The following ZC3H12B variants were observed in gnomAD, a reference collection of about 807,000 sequenced individuals.
The protein encoded by ZC3H12B is zinc finger CCCH-type containing 12B.
In ZC3H12B, 7 loss-of-function variants were observed where a neutral mutation model predicts 43.9. That is an observed-to-expected ratio of 0.16 (90% CI 0.09 to 0.30). The LOEUF (loss-of-function observed/expected upper bound fraction) is 0.30, where lower values mean the gene tolerates loss of function less well. Among genes scored for constraint, ZC3H12B ranks in the 10% least tolerant of loss-of-function variants. The pLI is 1.00. For synonymous variants in ZC3H12B, 222 were observed against 241.7 expected (o/e 0.92, Z 0.76); for missense variants, 475 against 670.2 (o/e 0.71, Z 3.22).
the ZC3H12B span, among the ~76,000 whole-genome samples, chrX:65,233,323 C>G: frequency 9.0e-6 from 1 of 111,314 alleles, no homozygotes; most frequent in East Asian, 2.8e-4. Context: ...ATGAAACATT[C>G]TCAAGGATAG....
At chrX:65,118,257 C>G in the ZC3H12B span, among the ~76,000 whole-genome samples, 4 of 111,479 alleles carry the variant, frequency 3.6e-5, no homozygotes, top group Non-Finnish European at 7.5e-5. Flanking sequence ...GTTTGTAGTT[C>G]TCCTTGAAGA....
chrX:65,058,185 G>A, the ZC3H12B span, among the ~76,000 whole-genome samples: 7 of 111,386 alleles, frequency 6.3e-5, no homozygotes, highest in South Asian at 7.6e-4. Flanking sequence ...CACCTTTTCT[G>A]CTCTGTTTTT....
the ZC3H12B span, among the ~76,000 whole-genome samples, chrX:65,212,362 T>C: frequency 2.6e-5 from 1 of 38,308 alleles, no homozygotes; most frequent in Non-Finnish European, 4.2e-5. Flanking sequence ...ATTATTATAT[T>C]TATATTACAT....
chrX:65,083,484 A>T, the ZC3H12B span, among the ~76,000 whole-genome samples: 1 of 112,150 alleles, frequency 8.9e-6, no homozygotes, highest in Non-Finnish European at 1.9e-5. Context: ...CTGAAAAAGA[A>T]ATTGAAAGAG....
intron 2 of ZC3H12B, among the ~76,000 whole-genome samples, chrX:65,396,879 G>C (rs1285416663): frequency 9.0e-6 from 1 of 111,280 alleles, no homozygotes; most frequent in Non-Finnish European, 1.9e-5. Flanking sequence ...TATGAATCTA[G>C]GTGCTTCTGT....
upstream of ZC3H12B, among the ~76,000 whole-genome samples, chrX:65,362,732 A>T (rs755309507): frequency 9.0e-6 from 1 of 111,320 alleles, no homozygotes; most frequent in East Asian, 2.8e-4. Context: ...AAAGCCTGTT[A>T]TCACTCGCCT....
At chrX:65,388,951 G>T (rs750038811) in intron 2 of ZC3H12B, among the ~76,000 whole-genome samples, 1 of 111,666 alleles carries the variant, frequency 9.0e-6, no homozygotes, top group South Asian at 3.8e-4. Flanking sequence ...GCAGAACAGC[G>T]GATATTGGTG....
chrX:65,326,359 A>C, the ZC3H12B span, among the ~76,000 whole-genome samples: 1 of 111,287 alleles, frequency 9.0e-6, no homozygotes, highest in Non-Finnish European at 1.9e-5. Context: ...GGCCAAAAAC[A>C]TGGATGAGAC....
At chrX:65,263,016 G>T in the ZC3H12B span, among the ~76,000 whole-genome samples, 4 of 110,602 alleles carry the variant, frequency 3.6e-5, no homozygotes, top group Non-Finnish European at 5.7e-5. Flanking sequence ...CTGAGTTCAC[G>T]TCCTAGAGCT....
chrX:65,269,563 G>A, the ZC3H12B span, among the ~76,000 whole-genome samples: 3 of 110,651 alleles, frequency 2.7e-5, no homozygotes, highest in African/African-American at 6.6e-5. Context: ...GCAGTGATGT[G>A]ATTATGACTT....
the ZC3H12B span, among the ~76,000 whole-genome samples, chrX:65,265,856 G>A: frequency 9.0e-6 from 1 of 111,572 alleles, no homozygotes; most frequent in Non-Finnish European, 1.9e-5. Flanking sequence ...TCAGATATTG[G>A]ACAACCAGCA....
At chrX:65,227,578 A>C in the ZC3H12B span, among the ~76,000 whole-genome samples, 4 of 111,902 alleles carry the variant, frequency 3.6e-5, no homozygotes, top group African/African-American at 1.3e-4. Context: ...CCTTCAAAAA[A>C]TTAATGAATC....
At chrX:65,170,684 G>A in the ZC3H12B span, among the ~76,000 whole-genome samples, 1 of 111,505 alleles carries the variant, frequency 9.0e-6, no homozygotes, top group African/African-American at 3.3e-5. Flanking sequence ...TGAGACGTAG[G>A]TTTGGTCTTT....
intron 2 of ZC3H12B, among the ~76,000 whole-genome samples, chrX:65,372,603 T>A (rs1205335021): frequency 4.8e-4 from 28 of 57,844 alleles, no homozygotes; most frequent in Admixed American, 1.6e-3. Context: ...GGAAGAAGAG[T>A]GGACAGGAGA....
At chrX:65,461,020 A>G (rs1234675675) in intron 3 of ZC3H12B, among the ~76,000 whole-genome samples, 1 of 112,276 alleles carries the variant, frequency 8.9e-6, no homozygotes, top group Non-Finnish European at 1.9e-5. Context: ...CAAGAAAAAA[A>G]CAACCCCATC....
At chrX:65,342,193 G>T in the ZC3H12B span, among the ~76,000 whole-genome samples, 4 of 111,714 alleles carry the variant, frequency 3.6e-5, no homozygotes, top group Non-Finnish European at 5.6e-5. Context: ...ATGGTAAAGG[G>T]TTCAGTTCAA....
At chrX:65,490,771 T>C (rs1409396760) in intron 1 of ZC3H12B, among the ~76,000 whole-genome samples, 3 of 111,731 alleles carry the variant, frequency 2.7e-5, no homozygotes, top group African/African-American at 9.8e-5. Flanking sequence ...CTATCATTGC[T>C]TGATGGACTC....
At chrX:65,314,914 G>T in the ZC3H12B span, among the ~76,000 whole-genome samples, 1 of 110,891 alleles carries the variant, frequency 9.0e-6, no homozygotes, top group African/African-American at 3.3e-5. Context: ...TATTTTAGGG[G>T]TAAAATATTA....
the ZC3H12B span, among the ~76,000 whole-genome samples, chrX:65,341,421 G>A: frequency 9.0e-6 from 1 of 111,178 alleles, no homozygotes; most frequent in Non-Finnish European, 1.9e-5. Context: ...GATTTTCCAA[G>A]GTCAAAATGA....
Sources: allele counts gnomAD v4.1 joint callset (sites outside exome capture counted in the v4.1 genomes callset), GRCh38; gene constraint gnomAD v4.1.1; transcripts MANE v1.5; gene names NCBI Gene and HGNC (gene_info 2026-07-23, HGNC 2026-07-21).